Variants in CFAP69 observed in about 807,000 individuals in gnomAD.
CFAP69 encodes the protein cilia and flagella associated protein 69, also known as cilia- and flagella-associated protein 69.
In CFAP69, 92 loss-of-function variants were observed where a neutral mutation model predicts 123.0. The ratio of observed to expected loss-of-function variants is 0.75; its 90% CI spans 0.63 to 0.89. The LOEUF (loss-of-function observed/expected upper bound fraction) is 0.89. CFAP69 is among the 40% of genes least tolerant of loss of function. CFAP69 has a pLI of 0.00. For synonymous variants in CFAP69, 380 were observed against 364.3 expected (o/e 1.04, Z -0.49); for missense variants, 1,067 against 1,096.9 (o/e 0.97, Z 0.39).
At chr7:90,291,800 A>T (rs1791240983) in intron 15 of CFAP69, among the ~76,000 whole-genome samples, 3 of 152,158 alleles carry the variant, frequency 2.0e-5, no homozygotes, top group Admixed American at 1.3e-4. Flanking sequence ...GTTCTGACAG[A>T]AGGTGATATC....
chr7:90,289,465 C>T (rs1333496732), intron 15 of CFAP69, among the ~76,000 whole-genome samples: 3 of 152,052 alleles, frequency 2.0e-5, no homozygotes, highest in Non-Finnish European at 2.9e-5. Context: ...AAGTCTCTTG[C>T]TCATTTTTCT....
downstream of CFAP69, among the ~76,000 whole-genome samples, chr7:90,315,904 T>C (rs1042436796): frequency 2.0e-5 from 3 of 152,006 alleles, no homozygotes; most frequent in African/African-American, 7.2e-5. Flanking sequence ...ACCAGACTGG[T>C]GAACCTGGTG....
At chr7:90,289,251 C>T (rs143141899) in intron 15 of CFAP69, among the ~76,000 whole-genome samples, 298 of 152,152 alleles carry the variant, frequency 2.0e-3, no homozygotes, top group Admixed American at 4.2e-3. Context: ...TTCCAAAGTA[C>T]TTACATCAAT....
intron 9 of CFAP69, 29 bp from the exon 10 acceptor site, chr7:90,277,043 CT>C: frequency 6.8e-7 from 1 of 1,468,056 alleles, no homozygotes. Flanking sequence ...ATTCATTCAT[CT>C]TTCTGCTTAT....
At chr7:90,272,061 A>C in intron 8 of CFAP69, 103 bp downstream of exon 8, 1 of 1,077,046 alleles carries the variant, frequency 9.3e-7, no homozygotes, top group Admixed American at 2.8e-5. Context: ...TATGTTTTAG[A>C]TTCATGTAAT....
intron 1 of CFAP69, among the ~76,000 whole-genome samples, chr7:90,252,438 C>A (rs1467647953): frequency 6.6e-6 from 1 of 152,076 alleles, no homozygotes; most frequent in Non-Finnish European, 1.5e-5. Flanking sequence ...GAGGCTGAGA[C>A]TGGCAGATTG....
intron 1 of CFAP69, among the ~76,000 whole-genome samples, chr7:90,246,500 G>A (rs985195331): frequency 2.6e-4 from 40 of 152,238 alleles, no homozygotes; most frequent in African/African-American, 9.4e-4. Flanking sequence ...GTTGACTGGG[G>A]AATAGAGTTG....
At position 90,249,790 on chromosome 7, in the gene CFAP69, C is replaced by T. The variant is rs17866174; in HGVS notation, c.120+4246C>T. ...AGGTCTTAGATGAACCCCAGCACTC[C>T]GCTTTTCTAACAGGTTTCCAGGTGA... is the stretch of plus-strand genomic sequence containing the variant. On this transcript the variant is annotated intron_variant, in intron 1 of 22. Coordinates refer to ENST00000389297, the MANE Select transcript of CFAP69 (RefSeq NM_001039706.3). Among the ~76,000 whole-genome samples, 812 of 152,192 alleles carry T rather than the reference C, an allele frequency of 5.3e-3. 6 individuals are homozygous for T. Among genetic ancestry groups the T allele is most frequent in the African/African-American group, 0.018 (730 of 41,522 alleles).
intron 15 of CFAP69, among the ~76,000 whole-genome samples, chr7:90,293,139 A>G (rs28949607): frequency 0.02 from 2,993 of 152,274 alleles, 96 homozygotes; most frequent in East Asian, 0.11. Flanking sequence ...CCAATAACAC[A>G]TTTATGCAAA....
chr7:90,266,960 A>T (rs775748523), intron 5 of CFAP69, among the ~76,000 whole-genome samples: 1 of 152,184 alleles, frequency 6.6e-6, no homozygotes, highest in Non-Finnish European at 1.5e-5. Context: ...CTGCCCTGGG[A>T]TTATGAAACA....
At position 90,286,319 on chromosome 7, in the gene CFAP69, G is replaced by A; in HGVS notation, c.1576G>A (p.Glu526Lys). ...KNIISKPNEK[E>K]EAIVLEIQSD... ...TATAATAAGCAAGCCTAATGAAAAG[G>A]AAGAAGCCATTGTTTTGGAAATCCA... is the stretch of plus-strand genomic sequence containing the variant. Residue 526 changes from glutamate to lysine, a missense_variant, in exon 14 of 23, where the codon GAA becomes AAA. Coordinates refer to ENST00000389297, the MANE Select transcript of CFAP69 (RefSeq NM_001039706.3). 6.2e-7 allele frequency: 1 copy of A among 1,607,780 alleles called. No homozygotes were observed. Among genetic ancestry groups the A allele is most frequent in the East Asian group, 2.2e-5 (1 of 44,688 alleles).
chr7:90,291,679 T>C (rs1402856741), intron 15 of CFAP69, among the ~76,000 whole-genome samples: 3 of 152,140 alleles, frequency 2.0e-5, no homozygotes. Context: ...ATCTTCAGGC[T>C]GAAGAGGGGT....
intron 1 of CFAP69, among the ~76,000 whole-genome samples, chr7:90,250,231 A>AGAGAGAGAGAGAGAGACT (rs1562832629): frequency 7.8e-6 from 1 of 128,460 alleles, no homozygotes; most frequent in Non-Finnish European, 1.6e-5. Context: ...AGAGAGAGAG[A>AGAGAGAGAGAGAGAGACT]GAGACTCCTT....
intron 13 of CFAP69, among the ~76,000 whole-genome samples, chr7:90,285,416 T>G (rs1240787916): frequency 6.6e-6 from 1 of 152,194 alleles, no homozygotes; most frequent in Non-Finnish European, 1.5e-5. Flanking sequence ...AAAGTCACTT[T>G]TTTTCTTTAT....
rs192838851 is a variant in CFAP69, at chr7:90,269,673, G to A, written c.532+1289G>A. On this transcript the variant is annotated intron_variant, in intron 6 of 22. Transcript: ENST00000389297. Reference sequence around the variant, plus strand: ...GCAGATGCAGGATTAAAGAATCAGAGGATTGTGAGAGTAGAGGCACTGGAT... The same window carrying A: ...GCAGATGCAGGATTAAAGAATCAGAAGATTGTGAGAGTAGAGGCACTGGAT... Among the ~76,000 whole-genome samples the A allele has an allele frequency of 7.0e-3, 1,067 of 152,276 alleles. 5 individuals are homozygous for A. The highest frequency in any genetic ancestry group is 0.01 in the Non-Finnish European group (707 of 67,998).
chr7:90,256,237 A>G (rs1017390728), intron 2 of CFAP69, among the ~76,000 whole-genome samples: 1 of 152,200 alleles, frequency 6.6e-6, no homozygotes, highest in Admixed American at 6.5e-5. Flanking sequence ...AGGGACATGG[A>G]TGAAGCTGGA....
At chr7:90,320,541 A>T in the CFAP69 span, 73,232 of 152,036 alleles carry the variant, frequency 0.48, 18,911 homozygotes, top group Non-Finnish European at 0.59. Context: ...AGCACATAAG[A>T]GGAAGTTAAA....
chr7:90,309,433 C>A, intron 22 of CFAP69, 66 bp downstream of exon 22: 1 of 840,202 alleles, frequency 1.2e-6, no homozygotes, highest in South Asian at 2.3e-5. Flanking sequence ...AACAACTGTG[C>A]AAATATACTG....
chr7:90,281,094 C>G (rs1452579129), intron 12 of CFAP69, among the ~76,000 whole-genome samples: 1 of 152,160 alleles, frequency 6.6e-6, no homozygotes, highest in African/African-American at 2.4e-5. Context: ...GCTTTAAACA[C>G]CTTCCAAGTA....
Sources: allele counts gnomAD v4.1 joint callset (sites outside exome capture counted in the v4.1 genomes callset), GRCh38; gene constraint gnomAD v4.1.1; transcripts MANE v1.5; gene names NCBI Gene and HGNC (gene_info 2026-07-23, HGNC 2026-07-21).